OCA2: variants seen among roughly 807,000 people sequenced by gnomAD.
OCA2 encodes the protein OCA2 melanosomal transmembrane protein, also known as P protein.
Under a neutral mutation model 100.2 loss-of-function variants are expected in OCA2, and 77 were observed. That is an observed-to-expected ratio of 0.77 (90% CI 0.64 to 0.93). The LOEUF is 0.93. Ranked by LOEUF, OCA2 falls within the 40% of genes least tolerant of loss-of-function variation. The pLI, the probability that OCA2 is intolerant of heterozygous loss-of-function variation, is 0.00. For missense variants in OCA2, 1,062 were observed against 1,089.1 expected (o/e 0.98, Z 0.35); for synonymous variants, 432 against 439.2 (o/e 0.98, Z 0.21).
intron 2 of OCA2, among the ~76,000 whole-genome samples, chr15:28,048,449 AG>A (rs1276676459): frequency 6.6e-6 from 1 of 152,248 alleles, no homozygotes; most frequent in Non-Finnish European, 1.5e-5. Flanking sequence ...GAGAATAAAT[AG>A]TCTCTTCAAC....
intron 23 of OCA2, among the ~76,000 whole-genome samples, chr15:27,780,295 G>A (rs552340221): frequency 1.7e-4 from 26 of 152,180 alleles, no homozygotes; most frequent in Non-Finnish European, 1.0e-4. Flanking sequence ...TGGTATGCCC[G>A]AGACTACCAT....
At chr15:28,046,880 C>T (rs1033669234) in intron 2 of OCA2, among the ~76,000 whole-genome samples, 2 of 152,184 alleles carry the variant, frequency 1.3e-5, no homozygotes, top group Non-Finnish European at 2.9e-5. Flanking sequence ...ATCGACATGC[C>T]TAAAAATGAA....
At chr15:27,782,002 CA>C (rs1481626679) in intron 23 of OCA2, among the ~76,000 whole-genome samples, 1 of 152,178 alleles carries the variant, frequency 6.6e-6, no homozygotes, top group Admixed American at 6.5e-5. Flanking sequence ...GGAAAAAACA[CA>C]CAAAAGCATT....
intron 2 of OCA2, among the ~76,000 whole-genome samples, chr15:28,040,322 C>T (rs1009266173): frequency 2.0e-5 from 3 of 152,138 alleles, no homozygotes; most frequent in Non-Finnish European, 4.4e-5. Flanking sequence ...GAAAATGAAA[C>T]ATAACACATC....
chr15:27,831,393 T>G lies in OCA2; in HGVS notation c.2432+13566A>C, dbSNP rs182232703. 3.3e-4 allele frequency among the ~76,000 whole-genome samples: 50 copies of G among 152,002 alleles called. No individual in the cohort carries two copies. The East Asian group carries it at 7.2e-3, about 22-fold the overall frequency. On this transcript the variant is annotated intron_variant, in intron 23 of 23. Coordinates refer to ENST00000354638, the MANE Select transcript of OCA2 (RefSeq NM_000275.3). Reference sequence around the variant, plus strand: ...GCAAAGTAGCTGCATTTCGGAAATTTCCAGGGAACACAGAGCAAAGGCGTC... The same window carrying G: ...GCAAAGTAGCTGCATTTCGGAAATTGCCAGGGAACACAGAGCAAAGGCGTC...
At chr15:28,067,767 T>C (rs79891087) in intron 2 of OCA2, among the ~76,000 whole-genome samples, 2,150 of 152,342 alleles carry the variant, frequency 0.014, 41 homozygotes, top group African/African-American at 0.049. Context: ...ATGTGGTCAA[T>C]CTTAGAATAT....
At chr15:27,810,188 G>A (rs2151214590) in intron 23 of OCA2, among the ~76,000 whole-genome samples, 1 of 151,902 alleles carries the variant, frequency 6.6e-6, no homozygotes, top group Admixed American at 6.5e-5. Flanking sequence ...ACCAATGAAA[G>A]TCAGAAATAA....
chr15:27,736,879 T>G, the OCA2 span, among the ~76,000 whole-genome samples: 1 of 152,130 alleles, frequency 6.6e-6, no homozygotes, highest in African/African-American at 2.4e-5. Flanking sequence ...GATAAGAGAA[T>G]AGACTGGAAA....
intron 2 of OCA2, among the ~76,000 whole-genome samples, chr15:28,032,808 A>C (rs1047602715): frequency 5.7e-4 from 87 of 151,544 alleles, no homozygotes; most frequent in African/African-American, 1.9e-3. Flanking sequence ...AAAAAAAAAA[A>C]ACAAAACAAA....
intron 18 of OCA2, among the ~76,000 whole-genome samples, chr15:27,947,889 G>T (rs887923983): frequency 6.6e-6 from 1 of 152,156 alleles, no homozygotes; most frequent in East Asian, 1.9e-4. Flanking sequence ...CTGGGTTGAA[G>T]CTCCCGGATG....
intron 2 of OCA2, among the ~76,000 whole-genome samples, chr15:28,054,668 C>T (rs938772013): frequency 2.6e-5 from 4 of 152,184 alleles, no homozygotes; most frequent in Non-Finnish European, 5.9e-5. Context: ...TTGTTACTTA[C>T]ACATAAGTCC....
intron 23 of OCA2, among the ~76,000 whole-genome samples, chr15:27,791,573 G>A (rs1414936625): frequency 1.3e-5 from 2 of 152,214 alleles, no homozygotes; most frequent in Non-Finnish European, 2.9e-5. Flanking sequence ...TCTTAGTTGT[G>A]CTGCTATGTA....
chr15:27,865,596 A>G (rs1416867396), intron 21 of OCA2, among the ~76,000 whole-genome samples: 2 of 152,166 alleles, frequency 1.3e-5, no homozygotes, highest in Admixed American at 1.3e-4. Flanking sequence ...CTGAACACTG[A>G]GCAGGCCTCC....
rs911787316 is a variant in OCA2, at chr15:28,016,257, C to G, written c.808-71G>C. 2.6e-6 allele frequency: 3 copies of G among 1,150,948 alleles called. No homozygotes were observed. The Admixed American group carries it at 5.0e-5, about 19-fold the overall frequency. The allele number at this position is 1,150,948 out of a possible 1,614,324, so 71.3% of individuals were successfully genotyped here. ...ACACCATCTGGGATCTGGCACTGCT[C>G]GGTCTAGGTATTTGTTTCAAAAAAG... On this transcript the variant is annotated intron_variant, in intron 7 of 23. Coordinates refer to ENST00000354638, the MANE Select transcript of OCA2 (RefSeq NM_000275.3).
In OCA2 at chr15:27,871,940, T is replaced by G. The variant is rs2151500741; in HGVS notation, c.2080-18A>C. The G allele has an allele frequency of 6.3e-7, 1 of 1,593,614 alleles. No homozygotes were observed. Among genetic ancestry groups the G allele is most frequent in the East Asian group, 2.2e-5 (1 of 44,756 alleles). On this transcript the variant is annotated intron_variant, in intron 19 of 23. Coordinates refer to ENST00000354638, the MANE Select transcript of OCA2 (RefSeq NM_000275.3). ...GCCAATGCCTAGAAGAAAGGATGTG[T>G]GGTGAGAATCAGTTTAGAACCGAAA...
chr15:28,004,949 G>T (rs1365371326), intron 9 of OCA2, among the ~76,000 whole-genome samples: 1 of 152,146 alleles, frequency 6.6e-6, no homozygotes, highest in Non-Finnish European at 1.5e-5. Flanking sequence ...GACTGTGGGG[G>T]AGGAAGCCCC....
intron 2 of OCA2, among the ~76,000 whole-genome samples, chr15:28,066,064 C>T (rs539561946): frequency 6.6e-6 from 1 of 152,206 alleles, no homozygotes; most frequent in South Asian, 2.1e-4. Flanking sequence ...GTTACTTTAG[C>T]AAGTTTGCAG....
chr15:27,838,135 C>T (rs896393034), intron 23 of OCA2, among the ~76,000 whole-genome samples: 6 of 152,116 alleles, frequency 3.9e-5, no homozygotes, highest in Admixed American at 3.9e-4. Flanking sequence ...AAACACAAAA[C>T]CACATACAAC....
At chr15:27,989,704 G>A (rs374547183) in intron 10 of OCA2, 38 bp from the exon 11 acceptor site, 114 of 1,586,052 alleles carry the variant, frequency 7.2e-5, no homozygotes, top group Admixed American at 3.8e-4. Context: ...TAATCCGTGC[G>A]CCGCCATCCC....
Sources: allele counts gnomAD v4.1 joint callset (sites outside exome capture counted in the v4.1 genomes callset), GRCh38; gene constraint gnomAD v4.1.1; transcripts MANE v1.5; gene names NCBI Gene and HGNC (gene_info 2026-07-23, HGNC 2026-07-21).